SLC26A4: variants seen among roughly 807,000 people sequenced by gnomAD.
The protein encoded by SLC26A4 is pendrin.
A neutral mutation model predicts 90.4 loss-of-function variants in SLC26A4; 93 were observed. That is an observed-to-expected ratio of 1.03 (90% confidence interval 0.87 to 1.22). The LOEUF is 1.22. SLC26A4 is among the 50% of genes most tolerant of loss of function. SLC26A4 has a pLI of 0.00. For synonymous variants in SLC26A4, 393 were observed against 354.6 expected (o/e 1.11, Z -1.22); for missense variants, 1,127 against 946.2 (o/e 1.19, Z -2.51).
chr7:107,678,851 G>T (rs183911782), intron 6 of SLC26A4, among the ~76,000 whole-genome samples: 38 of 152,172 alleles, frequency 2.5e-4, no homozygotes, highest in African/African-American at 8.4e-4. Context: ...ATACATGAAA[G>T]AATCCTTCAA....
At chr7:107,693,508 T>A (rs1791637507) in intron 10 of SLC26A4, 6 of 985,546 alleles carry the variant, frequency 6.1e-6, no homozygotes, top group Non-Finnish European at 7.2e-6. Context: ...CCTCTCTGAT[T>A]GCTTTGCTTG....
chr7:107,689,964 G>A (rs1335660442), intron 9 of SLC26A4, among the ~76,000 whole-genome samples, 160 bp from the exon 10 acceptor site: 3 of 152,096 alleles, frequency 2.0e-5, no homozygotes, highest in Non-Finnish European at 2.9e-5. Context: ...TCCTGATGTC[G>A]TACAAGGACC....
At position 107,680,057 on chromosome 7, in the gene SLC26A4, A is replaced by C. The variant is rs1232422956; in HGVS notation, c.766-3145A>C. ...ATATAATCTTATCTTATTATATAAT[A>C]TAATCTTATTATATAATATATTCTT... On this transcript the variant is annotated intron_variant, in intron 6 of 20. Transcript: ENST00000644269. Among the ~76,000 whole-genome samples the C allele has an allele frequency of 6.2e-5, 8 of 129,614 alleles. 1 individual carries two copies. Among genetic ancestry groups the C allele is most frequent in the Admixed American group, 3.2e-4 (4 of 12,642 alleles). 85.0% of individuals were successfully genotyped at this position (129,614 alleles called of 152,430 possible). A position where few individuals can be genotyped will look rare whatever the true frequency, so the allele number is the denominator to read the frequency against.
At position 107,715,568 on chromosome 7, in the gene SLC26A4, A is replaced by G; in HGVS notation, c.*122A>G. On this transcript the variant is annotated 3_prime_UTR_variant, in exon 21 of 21. Transcript: ENST00000644269. Reference sequence around the variant, plus strand: ...TCTATTAAGCCATTGAAAGAGAAGCACTAAGACTGCTTCTAGGCTTTATTT... The same window carrying G: ...TCTATTAAGCCATTGAAAGAGAAGCGCTAAGACTGCTTCTAGGCTTTATTT... 1 of 822,030 alleles carries G rather than the reference A, an allele frequency of 1.2e-6. No individual in the cohort carries two copies. The highest frequency in any genetic ancestry group is 1.3e-5 in the South Asian group (1 of 74,790). The allele number at this position is 822,030 out of a possible 1,614,324, so 50.9% of individuals were successfully genotyped here. A position where few individuals can be genotyped will look rare whatever the true frequency, so the allele number is the denominator to read the frequency against.
intron 3 of SLC26A4, among the ~76,000 whole-genome samples, chr7:107,668,991 T>G (rs1439084613): frequency 6.6e-6 from 1 of 152,158 alleles, no homozygotes; most frequent in African/African-American, 2.4e-5. Flanking sequence ...TTTGAGACTC[T>G]TTCTCACACA....
intron 6 of SLC26A4, among the ~76,000 whole-genome samples, chr7:107,679,673 A>G (rs573419991): frequency 6.6e-6 from 1 of 151,312 alleles, no homozygotes; most frequent in East Asian, 1.9e-4. Flanking sequence ...TATTTGGAAT[A>G]CTAAGCTAAA....
rs1033164385 is a variant in SLC26A4, at chr7:107,661,984, G to A, written c.164+179G>A. 3 of 673,526 alleles carry A rather than the reference G, an allele frequency of 4.5e-6. No individual in the cohort carries two copies. Among genetic ancestry groups the A allele is most frequent in the Non-Finnish European group, 7.4e-6 (3 of 405,948 alleles). The allele number at this position is 673,526 out of a possible 1,614,324, so 41.7% of individuals were successfully genotyped here. A position where few individuals can be genotyped will look rare whatever the true frequency, so the allele number is the denominator to read the frequency against. ...GTCCTCCACGCCGCCCTTCTGGTGG[G>A]AGGGTGGCTCCATCAGTCTCGGGCC... On this transcript the variant is annotated intron_variant, in intron 2 of 20. Coordinates refer to ENST00000644269, the MANE Select transcript of SLC26A4 (RefSeq NM_000441.2). This position sits in a 1 kb window ranked among gnomAD's most constrained non-coding sequence, Gnocchi z 5.1.
chr7:107,715,734 G>A lies in SLC26A4; in HGVS notation c.*288G>A, dbSNP rs1179007553. The stretch of plus-strand genomic sequence containing the variant: ...TGCTAATAATGTTCACGTGGGCCCT[G>A]GCATATCTCTGTTCAGTTAGAGTGA... On this transcript the variant is annotated 3_prime_UTR_variant, in exon 21 of 21. Coordinates refer to ENST00000644269, the MANE Select transcript of SLC26A4 (RefSeq NM_000441.2). The A allele has an allele frequency of 6.2e-6, 3 of 486,988 alleles. No homozygotes were observed. The highest frequency in any genetic ancestry group is 3.9e-5 in the African/African-American group (2 of 51,794). The allele number at this position is 486,988 out of a possible 1,614,324, so 30.2% of individuals were successfully genotyped here. A position where few individuals can be genotyped will look rare whatever the true frequency, so the allele number is the denominator to read the frequency against.
chr7:107,664,474 C>T (rs1044030918), intron 3 of SLC26A4, among the ~76,000 whole-genome samples: 9 of 151,990 alleles, frequency 5.9e-5, no homozygotes, highest in Non-Finnish European at 1.2e-4. Context: ...TCAAGTGATC[C>T]GCCCTCCTTG....
chr7:107,672,325 T>C, intron 4 of SLC26A4, 77 bp downstream of exon 4: 1 of 845,062 alleles, frequency 1.2e-6, no homozygotes, highest in East Asian at 2.8e-5. Flanking sequence ...ATTATACCTC[T>C]ATTAGGTTGG....
intron 15 of SLC26A4, among the ~76,000 whole-genome samples, 177 bp downstream of exon 15, chr7:107,700,352 G>T (rs539584689): frequency 6.6e-6 from 1 of 152,010 alleles, no homozygotes; most frequent in African/African-American, 2.4e-5. Context: ...TCTATTTGGG[G>T]ATTAAAAAAA....
rs1016527866 is a variant in SLC26A4 at position 107,686,260 on chromosome 7, C to T, written c.1001+2723C>T. ...ACTCTTTCTTTCATTCTCTTTCTTT[C>T]TTCCCTTCCTTCCCTCCCTTCCCTC... On this transcript the variant is annotated intron_variant, in intron 8 of 20. Transcript: ENST00000644269. 4.8e-5 allele frequency among the ~76,000 whole-genome samples: 7 copies of T among 146,086 alleles called. No homozygotes were observed. In the East Asian group the frequency reaches 6.2e-4, roughly 13 times the overall value.
intron 6 of SLC26A4, among the ~76,000 whole-genome samples, chr7:107,679,739 T>C (rs1216717808): frequency 6.7e-6 from 1 of 149,610 alleles, no homozygotes; most frequent in African/African-American, 2.5e-5. Flanking sequence ...ATTTTAACAG[T>C]AAACTAAATT....
Position 107,661,903 on chromosome 7 carries a change from C to A in SLC26A4, c.164+98C>A. ...CCAGCGGGCGAGAGTGGGGTGCGGG[C>A]GGCGGAGCCCCTGGGCGCCAGCTGC... On this transcript the variant is annotated intron_variant, in intron 2 of 20. Coordinates refer to ENST00000644269, the MANE Select transcript of SLC26A4 (RefSeq NM_000441.2). This position sits in a 1 kb window ranked among gnomAD's most constrained non-coding sequence, Gnocchi z 5.1. The A allele has an allele frequency of 7.4e-7, 1 of 1,343,546 alleles. No homozygotes were observed. The highest frequency in any genetic ancestry group is 2.6e-5 in the East Asian group (1 of 38,888). 83.2% of individuals were successfully genotyped at this position (1,343,546 alleles called of 1,614,324 possible). A position where few individuals can be genotyped will look rare whatever the true frequency, so the allele number is the denominator to read the frequency against.
intron 10 of SLC26A4, among the ~76,000 whole-genome samples, chr7:107,694,070 G>A (rs1791660362): frequency 6.6e-6 from 1 of 152,116 alleles, no homozygotes; most frequent in African/African-American, 2.4e-5. Flanking sequence ...TCCTGCCATG[G>A]TAAATAACTA....
At chr7:107,706,308 C>T (rs554791141) in intron 18 of SLC26A4, among the ~76,000 whole-genome samples, 132 of 152,222 alleles carry the variant, frequency 8.7e-4, no homozygotes, top group African/African-American at 3.0e-3. Context: ...CCAAGCCTGG[C>T]GAGGTATTGC....
intron 15 of SLC26A4, 76 bp from the exon 16 acceptor site, chr7:107,701,025 C>G (rs1261611012): frequency 4.5e-6 from 4 of 884,442 alleles, no homozygotes; most frequent in Non-Finnish European, 5.8e-6. Context: ...TGAGAAATAG[C>G]CTTTCCAGAT....
intron 14 of SLC26A4, 79 bp downstream of exon 14, chr7:107,698,190 T>G: frequency 1.1e-6 from 1 of 925,686 alleles, no homozygotes; most frequent in South Asian, 1.3e-5. Flanking sequence ...ACGTACAAGG[T>G]AGCCAAAGGG....
At position 107,661,605 on chromosome 7, in the gene SLC26A4, G is replaced by T. The variant is rs780244667; in HGVS notation, c.-3-34G>T. ...CCCTCCGATCGTCCTCGCTTACCGC[G>T]TGTCCTCCCTCCTCGCTGTCCTCTG... On this transcript the variant is annotated intron_variant, in intron 1 of 20. Coordinates refer to ENST00000644269, the MANE Select transcript of SLC26A4 (RefSeq NM_000441.2). This position sits in a 1 kb window ranked among gnomAD's most constrained non-coding sequence, Gnocchi z 5.1. 1.2e-4 allele frequency: 186 copies of T among 1,542,138 alleles called. No homozygotes were observed. The highest frequency in any genetic ancestry group is 1.5e-4 in the Non-Finnish European group (178 of 1,148,928).
Sources: allele counts gnomAD v4.1 joint callset (sites outside exome capture counted in the v4.1 genomes callset), GRCh38; gene constraint gnomAD v4.1.1; non-coding constraint Gnocchi (gnomAD v3.1); transcripts MANE v1.5; gene names NCBI Gene and HGNC (gene_info 2026-07-23, HGNC 2026-07-21).